FLRT2: variants seen among roughly 807,000 people sequenced by gnomAD.
FLRT2 encodes the protein fibronectin leucine rich transmembrane protein 2.
Under a neutral mutation model 40.0 loss-of-function variants are expected in FLRT2, and 15 were observed. The ratio of observed to expected loss-of-function variants is 0.38; its 90% CI spans 0.25 to 0.58. FLRT2 has a LOEUF of 0.58. FLRT2 is among the 20% of genes least tolerant of loss of function. FLRT2 has a pLI of 0.71. For missense variants in FLRT2, 726 were observed against 840.0 expected (o/e 0.86, Z 1.68); for synonymous variants, 380 against 336.8 (o/e 1.13, Z -1.41).
chr14:85,585,595 A>G (rs1222059807), intron 1 of FLRT2, among the ~76,000 whole-genome samples: 2 of 152,156 alleles, frequency 1.3e-5, no homozygotes, highest in Non-Finnish European at 2.9e-5. Flanking sequence ...GTGTGTGTGT[A>G]TTATATGCAT....
rs1258890665 is a variant in FLRT2, at chr14:85,644,068, C to A, written c.*20571C>A. The stretch of plus-strand genomic sequence containing the variant: ...CAGACTAATTATCACAATGTAGTAT[C>A]ATTAACACTCACACAATTCCCAGAT... On this transcript the variant is annotated 3_prime_UTR_variant, in exon 2 of 2. Transcript: ENST00000330753. 1 of 152,074 alleles carries A rather than the reference C, an allele frequency of 6.6e-6. No individual in the cohort carries two copies. The highest frequency in any genetic ancestry group is 1.9e-4 in the East Asian group (1 of 5,190). The allele number at this position is 152,074 out of a possible 1,614,324, so 9.4% of individuals were successfully genotyped here. A position where few individuals can be genotyped will look rare whatever the true frequency, so the allele number is the denominator to read the frequency against.
In FLRT2 at chr14:85,654,394, T is replaced by C. The variant is rs1894501758; in HGVS notation, c.*30897T>C. 1 of 152,226 alleles carries C rather than the reference T, an allele frequency of 6.6e-6. No individual in the cohort carries two copies. Among genetic ancestry groups the C allele is most frequent in the East Asian group, 1.9e-4 (1 of 5,196 alleles). 9.4% of individuals were successfully genotyped at this position (152,226 alleles called of 1,614,324 possible). On this transcript the variant is annotated 3_prime_UTR_variant, in exon 2 of 2. Coordinates refer to ENST00000330753, the MANE Select transcript of FLRT2 (RefSeq NM_013231.6). The stretch of plus-strand genomic sequence containing the variant: ...ACCATTTTCATATCTCTGTGCATAC[T>C]CTTAATAAAAAATGGTATAATACAT...
At chr14:85,543,535 A>AT (rs1203811894) in intron 1 of FLRT2, among the ~76,000 whole-genome samples, 147 of 152,030 alleles carry the variant, frequency 9.7e-4, no homozygotes, top group Non-Finnish European at 1.8e-3. Flanking sequence ...TCTAAAAAAA[A>AT]AAAATAAAGA....
rs1893751498 is a variant in FLRT2, at chr14:85,627,731, T to A, written c.*4234T>A. The A allele has an allele frequency of 6.0e-6, 1 of 167,048 alleles. No homozygotes were observed. Among genetic ancestry groups the A allele is most frequent in the African/African-American group, 2.4e-5 (1 of 41,432 alleles). 10.3% of individuals were successfully genotyped at this position (167,048 alleles called of 1,614,324 possible). On this transcript the variant is annotated 3_prime_UTR_variant, in exon 2 of 2. Transcript: ENST00000330753. ...CACTGAAAGTTAACCTGATGATTTG[T>A]TATTGTTTGAACCATATGCTGATTT...
rs907505564 is a variant in FLRT2 at position 85,630,740 on chromosome 14, C to T, written c.*7243C>T. The T allele has an allele frequency of 1.3e-5, 2 of 152,168 alleles. No homozygotes were observed. The highest frequency in any genetic ancestry group is 2.4e-5 in the African/African-American group (1 of 41,440). 9.4% of individuals were successfully genotyped at this position (152,168 alleles called of 1,614,324 possible). A position where few individuals can be genotyped will look rare whatever the true frequency, so the allele number is the denominator to read the frequency against. On this transcript the variant is annotated 3_prime_UTR_variant, in exon 2 of 2. Transcript: ENST00000330753. ...GTGCTGGGATTACAGGCATGAGCCA[C>T]ACCACTGCATTTAAATAATCAGCCT...
In FLRT2 at chr14:85,627,573, C is replaced by T. The variant is rs1048570762; in HGVS notation, c.*4076C>T. ...AAAATTATTATCAAACATGCACATG[C>T]TTGTACACACACACACACACACACA... On this transcript the variant is annotated 3_prime_UTR_variant, in exon 2 of 2. Coordinates refer to ENST00000330753, the MANE Select transcript of FLRT2 (RefSeq NM_013231.6). The T allele has an allele frequency of 2.7e-5, 4 of 147,318 alleles. No homozygotes were observed. Among genetic ancestry groups the T allele is most frequent in the East Asian group, 2.0e-4 (1 of 5,062 alleles). 9.1% of individuals were successfully genotyped at this position (147,318 alleles called of 1,614,324 possible).
At chr14:85,536,981 G>A (rs1408239426) in intron 1 of FLRT2, among the ~76,000 whole-genome samples, 2 of 152,196 alleles carry the variant, frequency 1.3e-5, no homozygotes, top group South Asian at 4.1e-4. Context: ...TTGCTCCTAA[G>A]TGCTTACATA....
At chr14:85,579,212 G>A (rs1203132249) in intron 1 of FLRT2, among the ~76,000 whole-genome samples, 1 of 152,168 alleles carries the variant, frequency 6.6e-6, no homozygotes. Context: ...TGGAGTGGGG[G>A]AACCAGGCCC....
rs1047124821 is a variant in FLRT2 at position 85,647,367 on chromosome 14, A to G, written c.*23870A>G. On this transcript the variant is annotated 3_prime_UTR_variant, in exon 2 of 2. Transcript: ENST00000330753. ...CCCAGCAATATAATATATGTAAATC[A>G]TACCAAATTATATGTGTTTAAAACT... The G allele has an allele frequency of 7.9e-5, 12 of 152,202 alleles. No individual in the cohort carries two copies. The highest frequency in any genetic ancestry group is 2.9e-4 in the African/African-American group (12 of 41,448). The allele number at this position is 152,202 out of a possible 1,614,324, so 9.4% of individuals were successfully genotyped here. A position where few individuals can be genotyped will look rare whatever the true frequency, so the allele number is the denominator to read the frequency against.
rs537969686 is a variant in FLRT2 at position 85,637,326 on chromosome 14, C to T, written c.*13829C>T. 6 of 152,278 alleles carry T rather than the reference C, an allele frequency of 3.9e-5. No homozygotes were observed. Among genetic ancestry groups the T allele is most frequent in the South Asian group, 4.1e-4 (2 of 4,828 alleles). 9.4% of individuals were successfully genotyped at this position (152,278 alleles called of 1,614,324 possible). On this transcript the variant is annotated 3_prime_UTR_variant, in exon 2 of 2. Transcript: ENST00000330753. ...ATAGACATGGTAGGAAAAGCATTAG[C>T]TTTGGCGTTCAAATATTGACTCATT...
chr14:85,534,978 T>A (rs1220899725), intron 1 of FLRT2, among the ~76,000 whole-genome samples: 6 of 152,202 alleles, frequency 3.9e-5, no homozygotes, highest in African/African-American at 1.4e-4. Flanking sequence ...CTTCAAGAGC[T>A]TTTGATTAAT....
In FLRT2 at chr14:85,623,522, G is replaced by A. The variant is rs1215837065; in HGVS notation, c.*25G>A. ...ACAGCCAGAGGCCCAGCGTTATCAAGGCGGACAATTAGACTCTTGAGAACA... is the reference window on the plus strand; with the variant it reads ...ACAGCCAGAGGCCCAGCGTTATCAAAGCGGACAATTAGACTCTTGAGAACA... On this transcript the variant is annotated 3_prime_UTR_variant, in exon 2 of 2. Transcript: ENST00000330753. 1.4e-6 allele frequency: 2 copies of A among 1,412,522 alleles called. No homozygotes were observed. The highest frequency in any genetic ancestry group is 1.9e-6 in the Non-Finnish European group (2 of 1,080,436). 87.5% of individuals were successfully genotyped at this position (1,412,522 alleles called of 1,614,324 possible).
At position 85,652,225 on chromosome 14, in the gene FLRT2, G is replaced by A. The variant is rs1036012138; in HGVS notation, c.*28728G>A. On this transcript the variant is annotated 3_prime_UTR_variant, in exon 2 of 2. Coordinates refer to ENST00000330753, the MANE Select transcript of FLRT2 (RefSeq NM_013231.6). ...TAATGACCTTATTAGCTCAGATGATGTTTTAATGATTTGAGTTTATGTATT... is the reference window on the plus strand; with the variant it reads ...TAATGACCTTATTAGCTCAGATGATATTTTAATGATTTGAGTTTATGTATT... The A allele has an allele frequency of 6.6e-6, 1 of 152,056 alleles. No individual in the cohort carries two copies. The highest frequency in any genetic ancestry group is 1.5e-5 in the Non-Finnish European group (1 of 67,962). 9.4% of individuals were successfully genotyped at this position (152,056 alleles called of 1,614,324 possible). A position where few individuals can be genotyped will look rare whatever the true frequency, so the allele number is the denominator to read the frequency against.
intron 1 of FLRT2, among the ~76,000 whole-genome samples, chr14:85,574,420 C>G (rs575456454): frequency 6.6e-6 from 1 of 152,068 alleles, no homozygotes; most frequent in Non-Finnish European, 1.5e-5. Context: ...TGCCATAGAG[C>G]CAGGAAAATC....
At chr14:85,575,798 C>G (rs1265283722) in intron 1 of FLRT2, among the ~76,000 whole-genome samples, 1 of 152,190 alleles carries the variant, frequency 6.6e-6, no homozygotes, top group Admixed American at 6.5e-5. Context: ...AAGCCCTAGT[C>G]TACAGCTAAA....
Position 85,653,059 on chromosome 14 carries a change from T to C in FLRT2, c.*29562T>C, listed in dbSNP as rs961861063. 3 of 152,162 alleles carry C rather than the reference T, an allele frequency of 2.0e-5. No individual in the cohort carries two copies. The highest frequency in any genetic ancestry group is 2.9e-5 in the Non-Finnish European group (2 of 68,026). 9.4% of individuals were successfully genotyped at this position (152,162 alleles called of 1,614,324 possible). On this transcript the variant is annotated 3_prime_UTR_variant, in exon 2 of 2. Transcript: ENST00000330753. The stretch of plus-strand genomic sequence containing the variant: ...AGCTGATATGCAATGGCTGGGATAA[T>C]GGCCATTACCTAAAAGAAAGAAGGC...
At chr14:85,600,076 G>A (rs1892314958) in intron 1 of FLRT2, among the ~76,000 whole-genome samples, 1 of 152,192 alleles carries the variant, frequency 6.6e-6, no homozygotes, top group Non-Finnish European at 1.5e-5. Context: ...TATGGGGGTA[G>A]CTATAAATAA....
At chr14:85,543,426 C>T (rs1009879735) in intron 1 of FLRT2, among the ~76,000 whole-genome samples, 1 of 152,176 alleles carries the variant, frequency 6.6e-6, no homozygotes, top group African/African-American at 2.4e-5. Context: ...GATATCAGGG[C>T]TGGCTTCTCT....
Position 85,647,352 on chromosome 14 carries a change from T to C in FLRT2, c.*23855T>C, listed in dbSNP as rs945635949. The C allele has an allele frequency of 1.3e-5, 2 of 152,182 alleles. No individual in the cohort carries two copies. Among genetic ancestry groups the C allele is most frequent in the African/African-American group, 4.8e-5 (2 of 41,446 alleles). The allele number at this position is 152,182 out of a possible 1,614,324, so 9.4% of individuals were successfully genotyped here. On this transcript the variant is annotated 3_prime_UTR_variant, in exon 2 of 2. Coordinates refer to ENST00000330753, the MANE Select transcript of FLRT2 (RefSeq NM_013231.6). Reference sequence around the variant, plus strand: ...CAGAATTGAATGTTGCCCAGCAATATAATATATGTAAATCATACCAAATTA... The same window carrying C: ...CAGAATTGAATGTTGCCCAGCAATACAATATATGTAAATCATACCAAATTA...
Sources: gnomAD v4.1 joint callset for allele counts (sites outside exome capture counted in the v4.1 genomes callset) on GRCh38, gnomAD v4.1.1 for gene constraint, MANE v1.5 for transcripts, NCBI Gene and HGNC (gene_info 2026-07-23, HGNC 2026-07-21) for gene names.